Variants in ECH1 observed in about 807,000 individuals in gnomAD.
ECH1 encodes the protein enoyl-CoA hydratase 1, also known as delta(3,5)-Delta(2,4)-dienoyl-CoA isomerase, mitochondrial.
In ECH1, 30 loss-of-function variants were observed where a neutral mutation model predicts 37.0. The observed-to-expected ratio is 0.81, with a 90% CI of 0.61 to 1.10. The LOEUF (loss-of-function observed/expected upper bound fraction) is 1.10. ECH1 is among the 50% of genes least tolerant of loss of function. The pLI is 0.00. For synonymous variants in ECH1, 178 were observed against 176.0 expected, an observed-to-expected ratio of 1.01 and a Z score of -0.09; for missense variants, 456 against 441.6, an observed-to-expected ratio of 1.03 and a Z score of -0.29.
chr19:38,819,827 C>T (rs1971635408), intron 3 of ECH1, among the ~76,000 whole-genome samples: 1 of 151,900 alleles, frequency 6.6e-6, no homozygotes, highest in Non-Finnish European at 1.5e-5. Flanking sequence ...GCATGGTCAC[C>T]TGTAATCCCA....
Position 38,816,537 on chromosome 19 carries a change from C to A in ECH1, c.589-14G>T. The A allele has an allele frequency of 1.2e-6, 2 of 1,613,996 alleles. No homozygotes were observed. The highest frequency in any genetic ancestry group is 1.7e-6 in the Non-Finnish European group (2 of 1,179,946). On this transcript the variant is annotated splice_polypyrimidine_tract_variant and intron_variant, in intron 6 of 9. Transcript: ENST00000221418. ...CACGTCCACCTCCTGGGGGAGGAAT[C>A]GGGTCAGTGTTTGGTTTCTGCCCAA...
At chr19:38,821,762 C>G (rs1423559229) in intron 3 of ECH1, among the ~76,000 whole-genome samples, 1 of 152,202 alleles carries the variant, frequency 6.6e-6, no homozygotes, top group African/African-American at 2.4e-5. Context: ...TGCAGCCTGC[C>G]ATGCCCGAGC....
intron 3 of ECH1, among the ~76,000 whole-genome samples, chr19:38,821,983 T>A (rs1393218563): frequency 2.0e-5 from 3 of 152,262 alleles, no homozygotes; most frequent in African/African-American, 7.2e-5. Flanking sequence ...GGACTGTAAA[T>A]GCACCAATCA....
In ECH1 at chr19:38,817,329, G is replaced by A; in HGVS notation, c.510C>T (p.Gly170=). ...PKPVIAAVHG[G]CIGGGVDLVT... ...CCGCAGACTCACCTCCGCCAATGCAGCCCCCATGGACGGCAGCAATCACGG... is the reference window on the plus strand; with the variant it reads ...CCGCAGACTCACCTCCGCCAATGCAACCCCCATGGACGGCAGCAATCACGG... Residue 170 remains glycine (G), a synonymous_variant, in exon 5 of 10, where the codon GGC becomes GGT. Transcript: ENST00000221418. The A allele has an allele frequency of 1.3e-6, 2 of 1,568,868 alleles. No homozygotes were observed. The highest frequency in any genetic ancestry group is 2.3e-5 in the South Asian group (2 of 86,090).
chr19:38,831,414 T>G lies in ECH1; in HGVS notation c.155A>C (p.Asp52Ala), dbSNP rs1408831825. The G allele has an allele frequency of 6.2e-7, 1 of 1,613,804 alleles. No homozygotes were observed. Among genetic ancestry groups the G allele is most frequent in the Non-Finnish European group, 8.5e-7 (1 of 1,180,008 alleles). ...ASGVALGEAP[D>A]HSYESLRVTS... ...CACACGAAGGGACTCATAGCTGTGG[T>G]CTGGGGCTTCACCGAGGGCTACTCC... Residue 52 changes from aspartate to alanine, a missense_variant, in exon 2 of 10, where the codon GAC (aspartate) becomes GCC (alanine). Asp to Ala is a moderately radical substitution (Grantham distance 126). Coordinates refer to ENST00000221418, the MANE Select transcript of ECH1 (RefSeq NM_001398.3).
intron 3 of ECH1, among the ~76,000 whole-genome samples, chr19:38,820,945 T>C (rs995713791): frequency 2.0e-5 from 3 of 152,020 alleles, no homozygotes; most frequent in Non-Finnish European, 4.4e-5. Flanking sequence ...GTCAAATGAA[T>C]GAACAAATGA....
intron 3 of ECH1, among the ~76,000 whole-genome samples, chr19:38,826,492 C>T (rs1971740294): frequency 6.6e-6 from 1 of 152,216 alleles, no homozygotes; most frequent in Non-Finnish European, 1.5e-5. Flanking sequence ...TCTAGGAGTA[C>T]AAAAACTAAA....
In ECH1 at chr19:38,831,468, G is replaced by GAA; in HGVS notation, c.100_101insTT (p.Thr34IlefsTer13). ...AGCCTCCTCTTGTGCAGAGGAGCCA[G>GAA]TGAGGCGAAGGCTAATACTGAGTCC... On this transcript the variant is annotated frameshift_variant, in exon 2 of 10. Coordinates refer to ENST00000221418, the MANE Select transcript of ECH1 (RefSeq NM_001398.3). LOFTEE classifies it high-confidence loss of function. 1 of 1,614,184 alleles carries GAA rather than the reference G, an allele frequency of 6.2e-7. No individual in the cohort carries two copies.
At chr19:38,828,451 T>TG (rs113474107) in intron 3 of ECH1, among the ~76,000 whole-genome samples, 10,322 of 151,934 alleles carry the variant, frequency 0.068, 1,017 homozygotes, top group African/African-American at 0.22. Context: ...AGGCTAGTCT[T>TG]GAACTCCTGA....
chr19:38,821,946 T>G (rs1286446887), intron 3 of ECH1, among the ~76,000 whole-genome samples: 1 of 152,242 alleles, frequency 6.6e-6, no homozygotes, highest in African/African-American at 2.4e-5. Context: ...CTAGTGGGGA[T>G]TTGGAGAACA....
At position 38,815,737 on chromosome 19, in the gene ECH1, G is replaced by A; in HGVS notation, c.883-20C>T. 1 of 1,614,170 alleles carries A rather than the reference G, an allele frequency of 6.2e-7. No homozygotes were observed. The highest frequency in any genetic ancestry group is 8.5e-7 in the Non-Finnish European group (1 of 1,180,002). Reference sequence around the variant, plus strand: ...GGACGCCTGGTACCGAGGGTGTTGAGAGAGAACGAGGAGAGAGATTAGCAG... The same window carrying A: ...GGACGCCTGGTACCGAGGGTGTTGAAAGAGAACGAGGAGAGAGATTAGCAG... On this transcript the variant is annotated intron_variant, in intron 9 of 9. Coordinates refer to ENST00000221418, the MANE Select transcript of ECH1 (RefSeq NM_001398.3).
At chr19:38,831,054 G>C in intron 3 of ECH1, 24 bp downstream of exon 3, 2 of 1,609,048 alleles carry the variant, frequency 1.2e-6, no homozygotes, top group African/African-American at 2.7e-5. Context: ...AAGGCTGGCA[G>C]GGTGTGTGAA....
At chr19:38,819,846 G>C (rs936133455) in intron 3 of ECH1, among the ~76,000 whole-genome samples, 1 of 151,884 alleles carries the variant, frequency 6.6e-6, no homozygotes, top group Non-Finnish European at 1.5e-5. Flanking sequence ...CAGCACTTTC[G>C]GAGGCTGAGG....
intron 3 of ECH1, among the ~76,000 whole-genome samples, chr19:38,825,385 T>G (rs1490625977): frequency 1.3e-5 from 2 of 152,212 alleles, no homozygotes; most frequent in Non-Finnish European, 2.9e-5. Flanking sequence ...AGAAAATCCT[T>G]CTGCCTTCCT....
At chr19:38,824,875 C>G (rs758114840) in intron 3 of ECH1, among the ~76,000 whole-genome samples, 28 of 152,286 alleles carry the variant, frequency 1.8e-4, no homozygotes, top group Middle Eastern at 3.4e-3. Context: ...GACCACAAAA[C>G]CCTCCTGGCT....
In ECH1 at chr19:38,831,297, T is replaced by C. The variant is rs769900411; in HGVS notation, c.260+12A>G. On this transcript the variant is annotated intron_variant, in intron 2 of 9. Coordinates refer to ENST00000221418, the MANE Select transcript of ECH1 (RefSeq NM_001398.3). ...CCCCCGCAGGCAGGCCTCCAGGATC[T>C]GCAGGTCAGACCTCCAGAAGACCTT... 2 of 1,608,396 alleles carry C rather than the reference T, an allele frequency of 1.2e-6. No individual in the cohort carries two copies. Among genetic ancestry groups the C allele is most frequent in the Non-Finnish European group, 1.7e-6 (2 of 1,175,864 alleles).
rs539351896 is a variant in ECH1 at position 38,823,770 on chromosome 19, C to T, written c.350-6195G>A. 2.6e-5 allele frequency among the ~76,000 whole-genome samples: 4 copies of T among 152,356 alleles called. No homozygotes were observed. In the East Asian group the frequency reaches 7.7e-4, roughly 29 times the overall value. On this transcript the variant is annotated intron_variant, in intron 3 of 9. Coordinates refer to ENST00000221418, the MANE Select transcript of ECH1 (RefSeq NM_001398.3). ...GACTCGCCCATCTATCCTATCTATC[C>T]TGACTCTTGCCCCCGGGTCCTAATG... is the stretch of plus-strand genomic sequence containing the variant.
In ECH1 at chr19:38,831,711, G is replaced by A; in HGVS notation, c.52+10C>T. On this transcript the variant is annotated intron_variant, in intron 1 of 9. Transcript: ENST00000221418. ...CGCGACGCACCCCCATAAGGCAAGA[G>A]GTGACTCACGCCGGGTCAGTAGGTC... The A allele has an allele frequency of 6.2e-7, 1 of 1,613,826 alleles. No homozygotes were observed. The highest frequency in any genetic ancestry group is 8.5e-7 in the Non-Finnish European group (1 of 1,179,948).
In ECH1 at chr19:38,817,310, A is replaced by C. The variant is rs372043138; in HGVS notation, c.523+6T>G. 1 of 1,550,056 alleles carries C rather than the reference A, an allele frequency of 6.5e-7. No individual in the cohort carries two copies. The highest frequency in any genetic ancestry group is 1.4e-5 in the African/African-American group (1 of 73,728). On this transcript the variant is annotated splice_donor_region_variant and intron_variant, in intron 5 of 9. Transcript: ENST00000221418. ...CACCCGAGCAGGAGGATAGCCGCAG[A>C]CTCACCTCCGCCAATGCAGCCCCCA...
Sources: gnomAD v4.1 joint callset for allele counts (sites outside exome capture counted in the v4.1 genomes callset) on GRCh38, gnomAD v4.1.1 for gene constraint, MANE v1.5 for transcripts, NCBI Gene and HGNC (gene_info 2026-07-23, HGNC 2026-07-21) for gene names.